The following ENOX1 variants were observed in gnomAD, a reference collection of about 807,000 sequenced individuals.
ENOX1 encodes the protein ecto-NOX disulfide-thiol exchanger 1, also known as candidate growth-related and time keeping constitutive hydroquinone (NADH) oxidase.
Under a neutral mutation model 82.5 loss-of-function variants are expected in ENOX1, and 42 were observed. The observed-to-expected ratio is 0.51, with a 90% confidence interval of 0.40 to 0.66. The LOEUF is 0.66. Among genes scored for constraint, ENOX1 ranks in the 30% least tolerant of loss-of-function variants. The pLI is 0.00. For synonymous variants in ENOX1, 271 were observed against 282.2 expected, an observed-to-expected ratio of 0.96 and a Z score of 0.40; for missense variants, 608 against 811.6, an observed-to-expected ratio of 0.75 and a Z score of 3.05.
chr13:43,360,111 G>A (rs1463972299), intron 6 of ENOX1, 54 bp from the exon 7 acceptor site: 9 of 1,531,246 alleles, frequency 5.9e-6, no homozygotes, highest in Non-Finnish European at 6.3e-6. Context: ...TGCTTTCTCT[G>A]GTTCTCCTGG....
intron 1 of ENOX1, among the ~76,000 whole-genome samples, chr13:43,768,656 A>T (rs1453323680): frequency 6.6e-6 from 1 of 152,170 alleles, no homozygotes; most frequent in African/African-American, 2.4e-5. Context: ...TGACAATAAT[A>T]AGTACTAACA....
At position 43,431,158 on chromosome 13, in the gene ENOX1, C is replaced by T. The variant is rs547910039; in HGVS notation, c.-74-18170G>A. Reference sequence around the variant, plus strand: ...TTCATAGGGCTTAGGTTTTCAGCTTCGCAGAAACAGACACAGTTTCCCATC... The same window carrying T: ...TTCATAGGGCTTAGGTTTTCAGCTTTGCAGAAACAGACACAGTTTCCCATC... On this transcript the variant is annotated intron_variant, in intron 3 of 16. Transcript: ENST00000690772. 5.3e-5 allele frequency among the ~76,000 whole-genome samples: 8 copies of T among 152,310 alleles called. No homozygotes were observed. In the South Asian group the frequency reaches 8.3e-4, roughly 16 times the overall value.
rs770844255 is a variant in ENOX1 at position 43,448,769 on chromosome 13, C to T, written c.-75+35240G>A. ...TGGGTAATTCATGCATCAGCACACT[C>T]GCCAACTCTCCTGGCAACCAAGAAA... On this transcript the variant is annotated intron_variant, in intron 3 of 16. Transcript: ENST00000690772. Among the ~76,000 whole-genome samples, 6 of 152,280 alleles carry T rather than the reference C, an allele frequency of 3.9e-5. No individual in the cohort carries two copies. The East Asian group carries it at 9.7e-4, about 25-fold the overall frequency.
At chr13:43,306,322 A>G (rs887912504) in intron 11 of ENOX1, among the ~76,000 whole-genome samples, 1 of 152,164 alleles carries the variant, frequency 6.6e-6, no homozygotes, top group Non-Finnish European at 1.5e-5. Context: ...AGGAGGGGGC[A>G]CTTTTCCCCA....
chr13:43,598,856 C>A (rs9533542), intron 2 of ENOX1, among the ~76,000 whole-genome samples: 8,623 of 152,112 alleles, frequency 0.057, 342 homozygotes, highest in Non-Finnish European at 0.084. Flanking sequence ...AAGGAAAGAG[C>A]AAACTGATAA....
intron 2 of ENOX1, among the ~76,000 whole-genome samples, chr13:43,656,861 A>T (rs956335666): frequency 6.6e-6 from 1 of 152,176 alleles, no homozygotes; most frequent in African/African-American, 2.4e-5. Flanking sequence ...ATTATTATAA[A>T]CTTCCCCAGG....
intron 1 of ENOX1, among the ~76,000 whole-genome samples, chr13:43,719,465 G>A (rs2088408481): frequency 6.6e-6 from 1 of 151,908 alleles, no homozygotes; most frequent in African/African-American, 2.4e-5. Flanking sequence ...GGGCATTCAG[G>A]CTCCCCCTGA....
intron 1 of ENOX1, among the ~76,000 whole-genome samples, chr13:43,783,658 T>C (rs1442043828): frequency 6.6e-6 from 1 of 152,162 alleles, no homozygotes; most frequent in Non-Finnish European, 1.5e-5. Flanking sequence ...TAAGAGCACC[T>C]GGCAGCAGCA....
chr13:43,411,763 G>C (rs1267910439), intron 5 of ENOX1, among the ~76,000 whole-genome samples, 153 bp downstream of exon 5: 3 of 152,180 alleles, frequency 2.0e-5, no homozygotes. Context: ...AAGGTGATGA[G>C]GAAAAGAATC....
chr13:43,707,117 G>A (rs997075485), intron 1 of ENOX1, among the ~76,000 whole-genome samples: 5 of 151,834 alleles, frequency 3.3e-5, no homozygotes, highest in African/African-American at 9.7e-5. Context: ...TCTATATACC[G>A]GCAGTGAATA....
chr13:43,673,110 T>C (rs2085344239), intron 1 of ENOX1, among the ~76,000 whole-genome samples: 1 of 152,078 alleles, frequency 6.6e-6, no homozygotes, highest in African/African-American at 2.4e-5. Flanking sequence ...AAGATAAACC[T>C]ATTTTTTTAA....
chr13:43,657,644 T>C (rs1314161356), intron 2 of ENOX1, among the ~76,000 whole-genome samples: 2 of 152,178 alleles, frequency 1.3e-5, no homozygotes, highest in Non-Finnish European at 2.9e-5. Flanking sequence ...AAGGCACAGC[T>C]GGTTGAAAGT....
At chr13:43,547,900 C>T (rs1035879467) in intron 2 of ENOX1, 6 of 152,234 alleles carry the variant, frequency 3.9e-5, no homozygotes, top group African/African-American at 9.6e-5. Flanking sequence ...TCAGGAAAGA[C>T]AGATGCAAGC....
rs2041507634 is a variant in ENOX1 at position 43,216,727 on chromosome 13, T to C, written c.1801-2606A>G. Among the ~76,000 whole-genome samples the C allele has an allele frequency of 3.9e-5, 6 of 152,252 alleles. No homozygotes were observed. In the South Asian group the frequency reaches 1.0e-3, roughly 26 times the overall value. ...CAGCCCACCAGCACCTTGTTTACAGTGTAACCGCCACCTCCCTTGGAAATG... is the reference window on the plus strand; with the variant it reads ...CAGCCCACCAGCACCTTGTTTACAGCGTAACCGCCACCTCCCTTGGAAATG... On this transcript the variant is annotated intron_variant, in intron 16 of 16. Coordinates refer to ENST00000690772, the MANE Select transcript of ENOX1 (RefSeq NM_001347969.2).
At chr13:43,689,808 C>A (rs573094017) in intron 1 of ENOX1, among the ~76,000 whole-genome samples, 3 of 152,264 alleles carry the variant, frequency 2.0e-5, no homozygotes, top group Admixed American at 2.0e-4. Flanking sequence ...AAATGCATTT[C>A]TTTTTCACTT....
intron 3 of ENOX1, among the ~76,000 whole-genome samples, chr13:43,445,123 G>GT (rs1437682401): frequency 8.9e-6 from 1 of 112,130 alleles, no homozygotes; most frequent in Admixed American, 8.5e-5. Flanking sequence ...CCTTCTTTCT[G>GT]GGTTTTTTTT....
Position 43,235,810 on chromosome 13 carries a change from G to T in ENOX1, c.1714+826C>A, listed in dbSNP as rs181782791. Among the ~76,000 whole-genome samples the T allele has an allele frequency of 1.1e-4, 16 of 151,782 alleles. 1 individual carries two copies. The East Asian group carries it at 3.1e-3, about 29-fold the overall frequency. ...TGCTGAAGAACAGTTTGTCTTGCATGTACATTGGCCTCATTCTTCAGTCTT... is the reference window on the plus strand; with the variant it reads ...TGCTGAAGAACAGTTTGTCTTGCATTTACATTGGCCTCATTCTTCAGTCTT... On this transcript the variant is annotated intron_variant, in intron 15 of 16. Transcript: ENST00000690772.
chr13:43,338,350 A>T (rs578015070), intron 9 of ENOX1, among the ~76,000 whole-genome samples: 2 of 152,138 alleles, frequency 1.3e-5, no homozygotes, highest in South Asian at 4.1e-4. Flanking sequence ...AAAAACTCCA[A>T]CGTCTCCGAG....
intron 5 of ENOX1, among the ~76,000 whole-genome samples, chr13:43,369,041 T>TA (rs397726938): frequency 2.6e-5 from 4 of 151,882 alleles, no homozygotes; most frequent in Non-Finnish European, 4.4e-5. Flanking sequence ...CTTTTTTTTT[T>TA]AACAGTTTTC....
Sources: gnomAD v4.1 joint callset for allele counts (sites outside exome capture counted in the v4.1 genomes callset) on GRCh38, gnomAD v4.1.1 for gene constraint, MANE v1.5 for transcripts, NCBI Gene and HGNC (gene_info 2026-07-23, HGNC 2026-07-21) for gene names.